The following COG5 variants were observed in gnomAD, a reference collection of about 807,000 sequenced individuals.
COG5 encodes the protein component of oligomeric golgi complex 5.
In COG5, 86 loss-of-function variants were observed where a neutral mutation model predicts 110.4. That is an observed-to-expected ratio of 0.78 (90% CI 0.65 to 0.93). The LOEUF is 0.93. Ranked by LOEUF, COG5 falls within the 40% of genes least tolerant of loss-of-function variation. The pLI is 0.00. For synonymous variants in COG5, 360 were observed against 334.6 expected (o/e 1.08, Z -0.83); for missense variants, 1,077 against 987.0 (o/e 1.09, Z -1.22).
intron 10 of COG5, among the ~76,000 whole-genome samples, chr7:107,347,478 A>C (rs146643025): frequency 1.2e-4 from 18 of 152,326 alleles, no homozygotes; most frequent in African/African-American, 4.1e-4. Flanking sequence ...TAGGTCTGCA[A>C]TTTGTTCAAA....
chr7:107,411,856 G>A (rs1397280254), intron 7 of COG5, among the ~76,000 whole-genome samples: 1 of 151,966 alleles, frequency 6.6e-6, no homozygotes, highest in Non-Finnish European at 1.5e-5. Flanking sequence ...CAATACAAAC[G>A]GAGAAAATAT....
chr7:107,503,143 T>C (rs954559248), intron 6 of COG5, among the ~76,000 whole-genome samples: 17 of 152,198 alleles, frequency 1.1e-4, no homozygotes, highest in Non-Finnish European at 2.2e-4. Context: ...GGGTCTTAGA[T>C]TGAAGTCTTT....
intron 21 of COG5, chr7:107,209,024 C>G: frequency 7.2e-6 from 7 of 978,244 alleles, no homozygotes; most frequent in Non-Finnish European, 8.5e-6. Flanking sequence ...GGTGAGAGAC[C>G]TGGGCACTAG....
intron 7 of COG5, 41 bp from the exon 8 acceptor site, chr7:107,372,801 G>T (rs755248155): frequency 5.0e-6 from 8 of 1,596,150 alleles, no homozygotes; most frequent in African/African-American, 1.3e-5. Flanking sequence ...GATATAAATA[G>T]GAAAACAAAC....
intron 6 of COG5, among the ~76,000 whole-genome samples, chr7:107,481,806 A>G (rs1797367533): frequency 1.3e-5 from 2 of 152,220 alleles, no homozygotes; most frequent in Admixed American, 1.3e-4. Context: ...CCTACTTTAT[A>G]AAAACTGTCT....
intron 10 of COG5, among the ~76,000 whole-genome samples, chr7:107,357,206 A>T (rs1562986633): frequency 6.6e-6 from 1 of 152,188 alleles, no homozygotes; most frequent in Non-Finnish European, 1.5e-5. Context: ...TATAATAAAG[A>T]TGTATTTGAA....
In COG5 at chr7:107,490,274, C is replaced by G. The variant is rs76374923; in HGVS notation, c.538+36963G>C. Among the ~76,000 whole-genome samples the G allele has an allele frequency of 8.8e-3, 1,336 of 152,216 alleles. 22 individuals carry two copies. Among genetic ancestry groups the G allele is most frequent in the African/African-American group, 0.028 (1,156 of 41,528 alleles). On this transcript the variant is annotated intron_variant, in intron 6 of 21. Coordinates refer to ENST00000297135, the MANE Select transcript of COG5 (RefSeq NM_006348.5). The stretch of plus-strand genomic sequence containing the variant: ...CAAACCCTTGAGCTCAAGAGAGCCT[C>G]CCACCTTAGCCTCCCAAGTAGCTGG...
At chr7:107,418,126 A>G (rs1793015970) in intron 6 of COG5, among the ~76,000 whole-genome samples, 3 of 151,760 alleles carry the variant, frequency 2.0e-5, no homozygotes, top group Admixed American at 2.0e-4. Flanking sequence ...ATAGAGGGTT[A>G]TCTAGAAGAC....
intron 7 of COG5, among the ~76,000 whole-genome samples, chr7:107,393,501 G>A (rs1040763640): frequency 1.3e-5 from 2 of 152,180 alleles, no homozygotes; most frequent in Non-Finnish European, 1.5e-5. Context: ...CACAAGATAG[G>A]CATGATAAGT....
At chr7:107,357,575 C>A (rs76617981) in intron 10 of COG5, among the ~76,000 whole-genome samples, 4 of 152,244 alleles carry the variant, frequency 2.6e-5, no homozygotes, top group African/African-American at 4.8e-5. Context: ...TTTTTAAGTA[C>A]ATGAAATAGG....
chr7:107,202,872 C>G lies in COG5; in HGVS notation c.*644G>C, dbSNP rs1798449068. On this transcript the variant is annotated 3_prime_UTR_variant, in exon 22 of 22. Transcript: ENST00000297135. ...CAAAAGCCTTGCTTTATTTAAAGAT[C>G]CAGTATGACATACTTAAAAAGGCCA... 6.6e-6 allele frequency: 1 copy of G among 152,166 alleles called. No individual in the cohort carries two copies. Among genetic ancestry groups the G allele is most frequent in the Non-Finnish European group, 1.5e-5 (1 of 68,164 alleles). The allele number at this position is 152,166 out of a possible 1,614,324, so 9.4% of individuals were successfully genotyped here.
intron 11 of COG5, among the ~76,000 whole-genome samples, chr7:107,320,143 TAAA>T (rs1809130867): frequency 6.6e-6 from 1 of 152,162 alleles, no homozygotes; most frequent in Non-Finnish European, 1.5e-5. Context: ...ATAGACAAGA[TAAA>T]AAATTGTGTC....
intron 6 of COG5, among the ~76,000 whole-genome samples, chr7:107,526,845 A>G (rs1800792353): frequency 6.6e-6 from 1 of 152,170 alleles, no homozygotes; most frequent in Non-Finnish European, 1.5e-5. Context: ...CAAAACTACA[A>G]TGATGGAGAA....
chr7:107,514,717 T>A (rs1799796553), intron 6 of COG5, among the ~76,000 whole-genome samples: 1 of 152,200 alleles, frequency 6.6e-6, no homozygotes, highest in Non-Finnish European at 1.5e-5. Flanking sequence ...TTGTTCAGTG[T>A]CTTGTGTTTT....
At chr7:107,258,719 A>G (rs1803082852) in intron 14 of COG5, 1 of 240,366 alleles carries the variant, frequency 4.2e-6, no homozygotes, top group African/African-American at 2.3e-5. Flanking sequence ...TTATTTTGAT[A>G]TAATAACATA....
chr7:107,305,098 G>A (rs1163196612), intron 11 of COG5, among the ~76,000 whole-genome samples: 1 of 152,154 alleles, frequency 6.6e-6, no homozygotes, highest in Non-Finnish European at 1.5e-5. Flanking sequence ...TACTTACCTG[G>A]GAGGACCTCT....
intron 11 of COG5, among the ~76,000 whole-genome samples, chr7:107,319,139 T>C (rs1809026024): frequency 6.6e-6 from 1 of 152,246 alleles, no homozygotes; most frequent in African/African-American, 2.4e-5. Flanking sequence ...GCATTTAATT[T>C]CAGATACTAT....
At chr7:107,376,949 T>G (rs1814687388) in intron 7 of COG5, among the ~76,000 whole-genome samples, 1 of 152,184 alleles carries the variant, frequency 6.6e-6, no homozygotes. Context: ...ATTATCAGTT[T>G]TAGATCTCTG....
At chr7:107,495,188 G>A (rs554782512) in intron 6 of COG5, among the ~76,000 whole-genome samples, 1 of 152,262 alleles carries the variant, frequency 6.6e-6, no homozygotes, top group African/African-American at 2.4e-5. Flanking sequence ...CTGAGCTCAT[G>A]GCTGGCACGG....
Sources: gnomAD v4.1 joint callset for allele counts (sites outside exome capture counted in the v4.1 genomes callset) on GRCh38, gnomAD v4.1.1 for gene constraint, MANE v1.5 for transcripts, NCBI Gene and HGNC (gene_info 2026-07-23, HGNC 2026-07-21) for gene names.